TMEM266: variants seen among roughly 807,000 people sequenced by gnomAD.
The protein encoded by TMEM266 is Hv1 related protein 1.
TMEM266 carries 33 observed loss-of-function variants against 50.5 expected under a neutral mutation model. The observed-to-expected ratio is 0.65, with a 90% CI of 0.50 to 0.87. The LOEUF (loss-of-function observed/expected upper bound fraction) is 0.87, where lower values mean the gene tolerates loss of function less well. TMEM266 is among the 40% of genes least tolerant of loss of function. The pLI is 0.00. For synonymous variants in TMEM266, 310 were observed against 292.3 expected (o/e 1.06, Z -0.62); for missense variants, 655 against 695.1 (o/e 0.94, Z 0.65).
intron 3 of TMEM266, among the ~76,000 whole-genome samples, chr15:76,149,857 C>G (rs530950760): frequency 6.6e-6 from 1 of 152,372 alleles, no homozygotes; most frequent in South Asian, 2.1e-4. Context: ...ATCAATAAAA[C>G]TAAAGTCCAT....
At chr15:76,142,003 C>G (rs1428256102) in intron 3 of TMEM266, among the ~76,000 whole-genome samples, 1 of 152,218 alleles carries the variant, frequency 6.6e-6, no homozygotes, top group Admixed American at 6.5e-5. Context: ...TGGACACACC[C>G]CACACTGGAC....
At chr15:76,066,094 T>G (rs560530884) in intron 1 of TMEM266, among the ~76,000 whole-genome samples, 1 of 152,242 alleles carries the variant, frequency 6.6e-6, no homozygotes, top group Admixed American at 6.5e-5. Flanking sequence ...ATTTATACTT[T>G]TAAAAAATAT....
In TMEM266 at chr15:76,153,018, T is replaced by C. The variant is rs868577; in HGVS notation, c.228-3586T>C. 0.18 allele frequency among the ~76,000 whole-genome samples: 26,968 copies of C among 151,940 alleles called. 3,002 individuals are homozygous for C. Among genetic ancestry groups the C allele is most frequent in the East Asian group, 0.43 (2,189 of 5,140 alleles). ...CTGGCTCTTCCCTGAGGCTGAGGAG[T>C]GTGCTCTGGTGTCAGGGCCAGGCCA... On this transcript the variant is annotated intron_variant, in intron 3 of 10. Coordinates refer to ENST00000388942, the MANE Select transcript of TMEM266 (RefSeq NM_152335.3). This position sits in a 1 kb window ranked among gnomAD's most constrained non-coding sequence, Gnocchi z 4.2.
chr15:76,190,937 T>G (rs1485236189), intron 8 of TMEM266, among the ~76,000 whole-genome samples: 2 of 152,106 alleles, frequency 1.3e-5, no homozygotes, highest in Non-Finnish European at 2.9e-5. Flanking sequence ...GAACACTAGG[T>G]GGCGGTGAAG....
rs758862485 is a variant in TMEM266, at chr15:76,204,231, C to T, written c.1512C>T (p.Phe504=). Residue 504 remains phenylalanine (F), a synonymous_variant, in exon 11 of 11, where the codon TTC becomes TTT. Coordinates refer to ENST00000388942, the MANE Select transcript of TMEM266 (RefSeq NM_152335.3). Reference sequence around the variant, plus strand: ...TTCAGATCAGGCCTGTCATCCACTTCCAGCCCACTGTGCCCATGCTGGAGG... The same window carrying T: ...TTCAGATCAGGCCTGTCATCCACTTTCAGCCCACTGTGCCCATGCTGGAGG... The T allele has an allele frequency of 6.2e-7, 1 of 1,613,930 alleles. No individual in the cohort carries two copies. Among genetic ancestry groups the T allele is most frequent in the Non-Finnish European group, 8.5e-7 (1 of 1,180,016 alleles).
chr15:76,072,378 C>T (rs917877308), intron 1 of TMEM266, among the ~76,000 whole-genome samples: 14 of 140,264 alleles, frequency 1.0e-4, no homozygotes, highest in African/African-American at 2.7e-4. Flanking sequence ...GTGGAGGTTG[C>T]GGTGAGCCGA....
rs146693794 is a variant in TMEM266 at position 76,064,960 on chromosome 15, A to G, written c.-97+4944A>G. 3.0e-4 allele frequency among the ~76,000 whole-genome samples: 46 copies of G among 152,312 alleles called. No homozygotes were observed. In the East Asian group the frequency reaches 8.1e-3, roughly 27 times the overall value. On this transcript the variant is annotated intron_variant, in intron 1 of 10. Coordinates refer to ENST00000388942, the MANE Select transcript of TMEM266 (RefSeq NM_152335.3). ...ATTGCCATTTTCTCCAGCCAATACA[A>G]TGCATAAGGCCAATTAACCTTCTGC...
In TMEM266 at chr15:76,153,522, C is replaced by A. The variant is rs150370370; in HGVS notation, c.228-3082C>A. Among the ~76,000 whole-genome samples, 1 of 152,264 alleles carries A rather than the reference C, an allele frequency of 6.6e-6. No homozygotes were observed. Among genetic ancestry groups the A allele is most frequent in the African/African-American group, 2.4e-5 (1 of 41,556 alleles). ...CATCAGTTTTAGGGGCCGCAGACAA[C>A]GGTAATGGGCATTGGGGAGAATGTG... On this transcript the variant is annotated intron_variant, in intron 3 of 10. Transcript: ENST00000388942. The surrounding 1 kb of genome is among the most constrained non-coding windows in gnomAD (Gnocchi z 4.2).
At chr15:76,157,182 G>A (rs186608019) in intron 4 of TMEM266, among the ~76,000 whole-genome samples, 1 of 152,334 alleles carries the variant, frequency 6.6e-6, no homozygotes, top group Non-Finnish European at 1.5e-5. Flanking sequence ...CGACCACAGT[G>A]ATGATAAGAT....
At chr15:76,199,605 C>T (rs906643288) in intron 9 of TMEM266, among the ~76,000 whole-genome samples, 10 of 152,140 alleles carry the variant, frequency 6.6e-5, no homozygotes, top group Admixed American at 1.3e-4. Flanking sequence ...TGAACACGCT[C>T]GGAGGATGTG....
intron 1 of TMEM266, among the ~76,000 whole-genome samples, chr15:76,119,391 C>CAAAAA (rs57532855): frequency 5.8e-4 from 63 of 109,154 alleles, no homozygotes; most frequent in Non-Finnish European, 7.5e-4. Flanking sequence ...GGGTTTATGG[C>CAAAAA]AAAAAAAAAA....
At chr15:76,072,529 G>A (rs534201584) in intron 1 of TMEM266, among the ~76,000 whole-genome samples, 2 of 151,732 alleles carry the variant, frequency 1.3e-5, no homozygotes, top group Non-Finnish European at 2.9e-5. Context: ...AACTAGGAGT[G>A]AGCCTCTGGA....
chr15:76,152,965 G>T (rs542607584), intron 3 of TMEM266, among the ~76,000 whole-genome samples: 1 of 152,198 alleles, frequency 6.6e-6, no homozygotes, highest in South Asian at 2.1e-4. Context: ...CCTGGCATTC[G>T]AATCCTGCCA....
chr15:76,159,524 C>T (rs919175747), intron 4 of TMEM266, among the ~76,000 whole-genome samples: 1 of 152,116 alleles, frequency 6.6e-6, no homozygotes, highest in Non-Finnish European at 1.5e-5. Context: ...ACACCTCCAC[C>T]CCATGCCCAG....
At chr15:76,075,539 T>C (rs959956590) in intron 1 of TMEM266, among the ~76,000 whole-genome samples, 1 of 152,164 alleles carries the variant, frequency 6.6e-6, no homozygotes, top group Admixed American at 6.5e-5. Flanking sequence ...GTCAACTTAA[T>C]GATACGACAT....
chr15:76,117,034 G>A (rs2037261669), intron 1 of TMEM266, among the ~76,000 whole-genome samples: 1 of 151,760 alleles, frequency 6.6e-6, no homozygotes. Flanking sequence ...TGAATAGCTG[G>A]GATTACAGGC....
At chr15:76,128,652 A>G (rs939906672) in intron 1 of TMEM266, among the ~76,000 whole-genome samples, 5 of 152,266 alleles carry the variant, frequency 3.3e-5, no homozygotes, top group Non-Finnish European at 7.3e-5. Flanking sequence ...AATAACAAAC[A>G]GGCTCAGCAT....
chr15:76,063,728 C>G (rs1348172529), intron 1 of TMEM266, among the ~76,000 whole-genome samples: 1 of 152,228 alleles, frequency 6.6e-6, no homozygotes, highest in Non-Finnish European at 1.5e-5. Context: ...TTCACTCCCC[C>G]AACTCTGGTA....
At chr15:76,082,830 G>T (rs1006570344) in intron 1 of TMEM266, among the ~76,000 whole-genome samples, 1 of 152,114 alleles carries the variant, frequency 6.6e-6, no homozygotes, top group Non-Finnish European at 1.5e-5. Context: ...TTAGCTAGGC[G>T]TGGTGGCCAG....
Sources: gnomAD v4.1 joint callset for allele counts (sites outside exome capture counted in the v4.1 genomes callset) on GRCh38, gnomAD v4.1.1 for gene constraint, Gnocchi (gnomAD v3.1) non-coding constraint, MANE v1.5 for transcripts, NCBI Gene and HGNC (gene_info 2026-07-23, HGNC 2026-07-21) for gene names.